Variants in RHOU observed in about 807,000 individuals in gnomAD.
RHOU encodes rho-related GTP-binding protein RhoU.
Under a neutral mutation model 12.6 loss-of-function variants are expected in RHOU, and 8 were observed. The observed-to-expected ratio is 0.64, with a 90% confidence interval of 0.37 to 1.15. The LOEUF (loss-of-function observed/expected upper bound fraction) is 1.15. RHOU is among the 50% of genes most tolerant of loss of function. RHOU has a pLI of 0.01. For missense variants in RHOU, 258 were observed against 347.0 expected (o/e 0.74, Z 2.04); for synonymous variants, 161 against 147.4 (o/e 1.09, Z -0.67).
At chr1:228,695,763 GAA>G in the RHOU span, among the ~76,000 whole-genome samples, 1 of 152,208 alleles carries the variant, frequency 6.6e-6, no homozygotes, top group East Asian at 1.9e-4. Flanking sequence ...GGAACTCTCT[GAA>G]CCCAGTCCTT....
Position 228,743,143 on chromosome 1 carries a change from T to C in RHOU, c.322-142T>C. 1 of 810,570 alleles carries C rather than the reference T, an allele frequency of 1.2e-6. No individual in the cohort carries two copies. Among genetic ancestry groups the C allele is most frequent in the Non-Finnish European group, 2.0e-6 (1 of 496,902 alleles). The allele number at this position is 810,570 out of a possible 1,614,324, so 50.2% of individuals were successfully genotyped here. A position where few individuals can be genotyped will look rare whatever the true frequency, so the allele number is the denominator to read the frequency against. The stretch of plus-strand genomic sequence containing the variant: ...CCCGCTTGGGTAAACAGTAGGATCG[T>C]TTCAAGGATGCTGGCTCTTCCTTCT... On this transcript the variant is annotated intron_variant, in intron 2 of 2. Coordinates refer to ENST00000366691, the MANE Select transcript of RHOU (RefSeq NM_021205.6). This position sits in a 1 kb window ranked among gnomAD's most constrained non-coding sequence, Gnocchi z 5.1.
chr1:228,674,881 C>T, the RHOU span, among the ~76,000 whole-genome samples: 1 of 152,090 alleles, frequency 6.6e-6, no homozygotes, highest in East Asian at 1.9e-4. Flanking sequence ...CAGGCGCCTG[C>T]CACCATGCCC....
chr1:228,677,695 A>C, the RHOU span, among the ~76,000 whole-genome samples: 19 of 152,186 alleles, frequency 1.2e-4, no homozygotes, highest in Non-Finnish European at 2.5e-4. Context: ...TGAGTATAAA[A>C]ATAAAGAATA....
At chr1:228,653,904 G>T in the RHOU span, among the ~76,000 whole-genome samples, 34 of 152,352 alleles carry the variant, frequency 2.2e-4, no homozygotes, top group African/African-American at 7.2e-4. Context: ...AAATTGGGAA[G>T]ACTGTGAAGA....
chr1:228,648,876 C>G, the RHOU span, among the ~76,000 whole-genome samples: 1 of 151,006 alleles, frequency 6.6e-6, no homozygotes, highest in South Asian at 2.1e-4. Context: ...TTCTTTCTTT[C>G]TTTCTTTCTG....
chr1:228,663,778 G>T, the RHOU span, among the ~76,000 whole-genome samples: 1 of 150,516 alleles, frequency 6.6e-6, no homozygotes, highest in East Asian at 2.0e-4. Flanking sequence ...GATTACGCGC[G>T]CGCGACACCA....
the RHOU span, among the ~76,000 whole-genome samples, chr1:228,655,166 G>A: frequency 2.3e-4 from 35 of 150,622 alleles, no homozygotes; most frequent in Middle Eastern, 3.4e-3. Context: ...GTGCAGTGGC[G>A]CGATCTTGGC....
the RHOU span, among the ~76,000 whole-genome samples, chr1:228,725,969 C>T: frequency 6.6e-6 from 1 of 152,142 alleles, no homozygotes; most frequent in African/African-American, 2.4e-5. Context: ...TACTTAAGGT[C>T]ACCTTTACAA....
the RHOU span, among the ~76,000 whole-genome samples, chr1:228,724,984 T>G: frequency 6.6e-6 from 1 of 152,240 alleles, no homozygotes; most frequent in African/African-American, 2.4e-5. Flanking sequence ...GTCACTTATT[T>G]GTCCTTGACT....
chr1:228,697,659 G>A, the RHOU span, among the ~76,000 whole-genome samples: 1 of 152,198 alleles, frequency 6.6e-6, no homozygotes, highest in Admixed American at 6.5e-5. Flanking sequence ...GATGAGGGAA[G>A]ACCCACAACC....
the RHOU span, among the ~76,000 whole-genome samples, chr1:228,682,541 G>C: frequency 1.3e-4 from 20 of 152,266 alleles, no homozygotes; most frequent in African/African-American, 4.8e-4. Context: ...CAGGCAGGGG[G>C]TGGATCTCAC....
chr1:228,722,628 C>CTT, the RHOU span, among the ~76,000 whole-genome samples: 377 of 145,374 alleles, frequency 2.6e-3, 6 homozygotes, highest in African/African-American at 8.0e-3. Flanking sequence ...TCCTGACCTC[C>CTT]TTTTTTTTTT....
At chr1:228,657,889 C>A in the RHOU span, among the ~76,000 whole-genome samples, 7 of 152,252 alleles carry the variant, frequency 4.6e-5, no homozygotes, top group Admixed American at 3.3e-4. Flanking sequence ...GATAAACTGA[C>A]CTTTTTTCTT....
At chr1:228,703,253 G>A in the RHOU span, among the ~76,000 whole-genome samples, 124 of 152,254 alleles carry the variant, frequency 8.1e-4, no homozygotes, top group Middle Eastern at 3.4e-3. Context: ...GGGGCCAGGC[G>A]CGGCGTCTCA....
chr1:228,646,903 G>T, the RHOU span, among the ~76,000 whole-genome samples: 4 of 152,150 alleles, frequency 2.6e-5, no homozygotes, highest in Admixed American at 2.0e-4. Context: ...GAGAGACAGC[G>T]ATCGAGAGAG....
chr1:228,666,942 G>A, the RHOU span, among the ~76,000 whole-genome samples: 7 of 152,130 alleles, frequency 4.6e-5, no homozygotes, highest in South Asian at 2.1e-4. Flanking sequence ...GACTTTTAGC[G>A]CAAAACATTA....
chr1:228,687,061 T>G, the RHOU span, among the ~76,000 whole-genome samples: 8 of 152,148 alleles, frequency 5.3e-5, no homozygotes, highest in African/African-American at 1.9e-4. Flanking sequence ...ATTTAAGGAA[T>G]TATAAAAAAT....
chr1:228,658,067 C>A, the RHOU span, among the ~76,000 whole-genome samples: 1 of 151,904 alleles, frequency 6.6e-6, no homozygotes, highest in South Asian at 2.1e-4. Flanking sequence ...ATTGTTTGAG[C>A]CCAGGAGTTT....
At chr1:228,685,597 T>A in the RHOU span, among the ~76,000 whole-genome samples, 1 of 152,218 alleles carries the variant, frequency 6.6e-6, no homozygotes, top group Non-Finnish European at 1.5e-5. Context: ...GATAGGATAC[T>A]GCTCTGAGAA....
Sources: gnomAD v4.1 joint callset for allele counts (sites outside exome capture counted in the v4.1 genomes callset) on GRCh38, gnomAD v4.1.1 for gene constraint, Gnocchi (gnomAD v3.1) non-coding constraint, MANE v1.5 for transcripts, NCBI Gene and HGNC (gene_info 2026-07-23, HGNC 2026-07-21) for gene names.